Variants in PDE1A observed in about 807,000 individuals in gnomAD.
The protein encoded by PDE1A is dual specificity calcium/calmodulin-dependent 3',5'-cyclic nucleotide phosphodiesterase 1A.
Under a neutral mutation model 61.7 loss-of-function variants are expected in PDE1A, and 35 were observed. That is an observed-to-expected ratio of 0.57 (90% CI 0.43 to 0.75). PDE1A has a LOEUF of 0.75. PDE1A is among the 30% of genes least tolerant of loss of function. The probability of loss-of-function intolerance (pLI) is 0.00; values close to 1 mark genes in which losing one functional copy is unlikely to be tolerated. For missense variants in PDE1A, 597 were observed against 630.6 expected (o/e 0.95, Z 0.57); for synonymous variants, 232 against 213.2 (o/e 1.09, Z -0.77).
chr2:182,665,820 C>A, the PDE1A span, among the ~76,000 whole-genome samples: 5 of 152,074 alleles, frequency 3.3e-5, no homozygotes, highest in African/African-American at 1.2e-4. Flanking sequence ...TCAACCCAAA[C>A]GCCCATTAAT....
At chr2:182,496,095 C>G (rs943218548) in intron 2 of PDE1A, among the ~76,000 whole-genome samples, 7 of 151,988 alleles carry the variant, frequency 4.6e-5, no homozygotes, top group Admixed American at 2.6e-4. Context: ...TTTTATCTAC[C>G]CTATTAGAGG....
At chr2:182,317,014 T>C (rs1457495574) in intron 1 of PDE1A, among the ~76,000 whole-genome samples, 1 of 152,172 alleles carries the variant, frequency 6.6e-6, no homozygotes, top group Non-Finnish European at 1.5e-5. Flanking sequence ...AAAAGGCTTG[T>C]GTTTTGGTTT....
chr2:182,452,761 C>G (rs909487743), intron 2 of PDE1A, among the ~76,000 whole-genome samples: 1 of 152,118 alleles, frequency 6.6e-6, no homozygotes, highest in Non-Finnish European at 1.5e-5. Context: ...GAGCCAGTAA[C>G]CTTCAAATGT....
At chr2:182,150,731 A>G (rs1042602422) in intron 13 of PDE1A, among the ~76,000 whole-genome samples, 1 of 152,204 alleles carries the variant, frequency 6.6e-6, no homozygotes, top group African/African-American at 2.4e-5. Flanking sequence ...GATAGTTGTT[A>G]TAGGAGAGAC....
intron 6 of PDE1A, among the ~76,000 whole-genome samples, chr2:182,228,677 T>C (rs1214327459): frequency 1.3e-5 from 2 of 152,160 alleles, no homozygotes; most frequent in Non-Finnish European, 1.5e-5. Flanking sequence ...GACAAAATAG[T>C]CAATACATTC....
chr2:182,665,903 CAT>C, the PDE1A span, among the ~76,000 whole-genome samples: 3 of 152,142 alleles, frequency 2.0e-5, no homozygotes, highest in South Asian at 6.2e-4. Context: ...GGAATGAAAT[CAT>C]GTCTTTTGCA....
At chr2:182,264,446 A>G (rs1404188062) in intron 1 of PDE1A, 32 bp from the exon 2 acceptor site, 1 of 1,493,686 alleles carries the variant, frequency 6.7e-7, no homozygotes, top group Non-Finnish European at 9.3e-7. Flanking sequence ...AGAGAGAAAG[A>G]GCAAGGAATT....
chr2:182,635,124 GAAA>G, the PDE1A span, among the ~76,000 whole-genome samples: 2 of 145,638 alleles, frequency 1.4e-5, no homozygotes, highest in Admixed American at 6.8e-5. Flanking sequence ...ATTGTAAATG[GAAA>G]AAAAAAAAAA....
intron 2 of PDE1A, among the ~76,000 whole-genome samples, chr2:182,446,618 T>C (rs528447273): frequency 6.6e-6 from 1 of 152,244 alleles, no homozygotes; most frequent in Admixed American, 6.5e-5. Context: ...TAAATGGAAA[T>C]GGAGAGAACA....
the PDE1A span, among the ~76,000 whole-genome samples, chr2:182,666,938 C>T: frequency 6.6e-6 from 1 of 152,116 alleles, no homozygotes; most frequent in Non-Finnish European, 1.5e-5. Context: ...CTTCCTTTTT[C>T]CCAGTGCACA....
At chr2:182,344,639 T>C (rs936296979) in intron 1 of PDE1A, among the ~76,000 whole-genome samples, 6 of 152,192 alleles carry the variant, frequency 3.9e-5, no homozygotes, top group African/African-American at 1.4e-4. Context: ...CTTTGCAAGA[T>C]GGAAAACTGC....
intron 7 of PDE1A, among the ~76,000 whole-genome samples, chr2:182,221,654 G>T (rs11684934): frequency 0.019 from 2,884 of 152,032 alleles, 30 homozygotes; most frequent in Non-Finnish European, 0.031. Flanking sequence ...TGTTTGAATT[G>T]CAACTCTTCC....
chr2:182,518,308 T>C (rs1690343883), intron 2 of PDE1A, among the ~76,000 whole-genome samples: 1 of 152,192 alleles, frequency 6.6e-6, no homozygotes, highest in African/African-American at 2.4e-5. Context: ...ATCTGAGAAC[T>C]ACACAACATA....
At chr2:182,360,526 A>C (rs1437694246) in intron 1 of PDE1A, among the ~76,000 whole-genome samples, 1 of 127,276 alleles carries the variant, frequency 7.9e-6, no homozygotes, top group African/African-American at 2.7e-5. Flanking sequence ...GAAGCAGTTT[A>C]GTGTTTTTTT....
At chr2:182,522,337 T>A in exon 2 of PDE1A, 3 of 1,613,652 alleles carry the variant, frequency 1.9e-6, no homozygotes, top group Non-Finnish European at 2.5e-6. Flanking sequence ...TTAAAAGTGG[T>A]GTTTTCCAAT....
intron 1 of PDE1A, among the ~76,000 whole-genome samples, chr2:182,391,874 T>C (rs1184535145): frequency 6.6e-6 from 1 of 152,198 alleles, no homozygotes. Flanking sequence ...AATTTGTACA[T>C]GCAGAAAACT....
intron 4 of PDE1A, among the ~76,000 whole-genome samples, 153 bp downstream of exon 4, chr2:182,234,279 C>T (rs1025425448): frequency 1.3e-5 from 2 of 152,128 alleles, no homozygotes. Flanking sequence ...ATTTGGAACA[C>T]AGTTCATTTT....
chr2:182,677,170 T>C, the PDE1A span, among the ~76,000 whole-genome samples: 6 of 152,160 alleles, frequency 3.9e-5, no homozygotes, highest in African/African-American at 1.4e-4. Context: ...AACCCCATAG[T>C]CTTGGCCAAA....
intron 1 of PDE1A, among the ~76,000 whole-genome samples, chr2:182,316,589 GT>G (rs1696354098): frequency 6.6e-6 from 1 of 152,110 alleles, no homozygotes; most frequent in Non-Finnish European, 1.5e-5. Context: ...TAAAAATATT[GT>G]TGGTGTCTTC....
Sources: allele counts gnomAD v4.1 joint callset (sites outside exome capture counted in the v4.1 genomes callset), GRCh38; gene constraint gnomAD v4.1.1; transcripts MANE v1.5; gene names NCBI Gene and HGNC (gene_info 2026-07-23, HGNC 2026-07-21).